Variants in ATRNL1 observed in about 807,000 individuals in gnomAD.
ATRNL1 encodes the protein attractin-like protein 1.
In ATRNL1, 95 loss-of-function variants were observed where a neutral mutation model predicts 182.7. The ratio of observed to expected loss-of-function variants is 0.52; its 90% CI spans 0.44 to 0.62. The LOEUF (loss-of-function observed/expected upper bound fraction) is 0.62, where lower values mean the gene tolerates loss of function less well. ATRNL1 is among the 20% of genes least tolerant of loss of function. ATRNL1 has a pLI of 0.00. For missense variants in ATRNL1, 1,471 were observed against 1,679.5 expected, an observed-to-expected ratio of 0.88 and a Z score of 2.17; for synonymous variants, 576 against 568.3, an observed-to-expected ratio of 1.01 and a Z score of -0.19.
intron 8 of ATRNL1, among the ~76,000 whole-genome samples, chr10:115,194,753 G>A (rs1360586696): frequency 6.6e-6 from 1 of 151,296 alleles, no homozygotes; most frequent in African/African-American, 2.4e-5. Context: ...TGGTCATTTT[G>A]TTGGTCTTTC....
intron 24 of ATRNL1, among the ~76,000 whole-genome samples, chr10:115,508,541 T>C (rs1415942852): frequency 1.3e-5 from 2 of 152,038 alleles, no homozygotes; most frequent in Non-Finnish European, 1.5e-5. Context: ...AGGAAATGAA[T>C]GCTACTTTAG....
chr10:115,281,743 C>T (rs1554916924), intron 14 of ATRNL1, among the ~76,000 whole-genome samples: 1 of 151,322 alleles, frequency 6.6e-6, no homozygotes. Context: ...CGAAAAAAAT[C>T]TTAAAAATGT....
chr10:115,206,581 A>T (rs113837616), intron 8 of ATRNL1, among the ~76,000 whole-genome samples: 24 of 152,246 alleles, frequency 1.6e-4, no homozygotes, highest in African/African-American at 5.5e-4. Flanking sequence ...TTAACAGTAA[A>T]TTATCATTTT....
chr10:115,918,185 C>T (rs1327355266), intron 28 of ATRNL1, among the ~76,000 whole-genome samples: 5 of 150,270 alleles, frequency 3.3e-5, no homozygotes, highest in Non-Finnish European at 7.4e-5. Flanking sequence ...ACCGCAACCT[C>T]CGCCTCCCAG....
intron 19 of ATRNL1, among the ~76,000 whole-genome samples, chr10:115,338,395 A>G (rs531370499): frequency 1.1e-4 from 16 of 152,252 alleles, no homozygotes; most frequent in Admixed American, 6.5e-4. Context: ...CCTCACAAAC[A>G]TTTGTTATTG....
chr10:115,679,490 C>G (rs1312283931), intron 26 of ATRNL1, among the ~76,000 whole-genome samples: 3 of 151,938 alleles, frequency 2.0e-5, no homozygotes, highest in Non-Finnish European at 4.4e-5. Context: ...TGCTTTCTCT[C>G]CGCATACTTC....
chr10:115,782,224 C>A (rs1189947422), intron 27 of ATRNL1, among the ~76,000 whole-genome samples: 1 of 152,160 alleles, frequency 6.6e-6, no homozygotes, highest in African/African-American at 2.4e-5. Flanking sequence ...CAGGTAAGAT[C>A]TTTAGCTTTT....
chr10:115,748,676 A>T (rs1240027688), intron 27 of ATRNL1, among the ~76,000 whole-genome samples: 1 of 151,860 alleles, frequency 6.6e-6, no homozygotes. Context: ...AGCATGACCA[A>T]TGTTCATAGT....
rs11197456 is a variant in ATRNL1 at position 115,827,472 on chromosome 10, C to T, written c.3904-20405C>T. Among the ~76,000 whole-genome samples the T allele has an allele frequency of 2.8e-3, 422 of 152,292 alleles. 1 individual carries two copies. The highest frequency in any genetic ancestry group is 4.3e-3 in the Non-Finnish European group (290 of 68,032). ...ACGTAAGGTGTCTCAGACAATTTCC[C>T]ATGTGGTGTTGCATCAGTCTAAATC... is the stretch of plus-strand genomic sequence containing the variant. On this transcript the variant is annotated intron_variant, in intron 27 of 28. Coordinates refer to ENST00000355044, the MANE Select transcript of ATRNL1 (RefSeq NM_207303.4).
At chr10:115,327,438 A>G (rs1194254513) in intron 18 of ATRNL1, among the ~76,000 whole-genome samples, 2 of 152,104 alleles carry the variant, frequency 1.3e-5, no homozygotes, top group East Asian at 3.9e-4. Flanking sequence ...AGGAAACAAC[A>G]GGTGCTGGAG....
At chr10:115,184,950 G>A (rs1246713305) in intron 8 of ATRNL1, among the ~76,000 whole-genome samples, 2 of 151,904 alleles carry the variant, frequency 1.3e-5, no homozygotes, top group East Asian at 1.9e-4. Flanking sequence ...TTTAGGTGAA[G>A]CAATTCTGAA....
rs1420143943 is a variant in ATRNL1 at position 115,223,929 on chromosome 10, A to ATATATATATTT, written c.1532+8050_1532+8051insATATATATTTT. ...TGTGTGTGTGTATATATATATATATATTTTTTTTTTTTTTTTTTTTCTTTG... is the reference window on the plus strand; with the variant it reads ...TGTGTGTGTGTATATATATATATATATATATATATTTTTTTTTTTTTTTTTTTTTTTCTTTG... On this transcript the variant is annotated intron_variant, in intron 9 of 28. Coordinates refer to ENST00000355044, the MANE Select transcript of ATRNL1 (RefSeq NM_207303.4). Among the ~76,000 whole-genome samples the ATATATATATTT allele has an allele frequency of 2.0e-3, 88 of 44,716 alleles. 2 individuals are homozygous for ATATATATATTT. Among genetic ancestry groups the ATATATATATTT allele is most frequent in the South Asian group, 3.9e-3 (5 of 1,282 alleles). 29.3% of individuals were successfully genotyped at this position (44,716 alleles called of 152,430 possible).
At chr10:115,612,800 T>G (rs1477578960) in intron 26 of ATRNL1, among the ~76,000 whole-genome samples, 1 of 152,180 alleles carries the variant, frequency 6.6e-6, no homozygotes, top group Non-Finnish European at 1.5e-5. Flanking sequence ...CTTCCTAACC[T>G]ACCAGCTTAA....
At chr10:115,294,135 CCTCA>C (rs1465452472) in intron 15 of ATRNL1, among the ~76,000 whole-genome samples, 1 of 152,200 alleles carries the variant, frequency 6.6e-6, no homozygotes, top group African/African-American at 2.4e-5. Flanking sequence ...TGTAGGCCTT[CCTCA>C]CTCCATATTC....
intron 28 of ATRNL1, among the ~76,000 whole-genome samples, chr10:115,873,460 C>T (rs534200507): frequency 2.0e-5 from 3 of 152,336 alleles, no homozygotes; most frequent in East Asian, 1.9e-4. Flanking sequence ...CTTTACCACC[C>T]TAGTCAACGC....
At chr10:115,466,559 C>T (rs1848061395) in intron 22 of ATRNL1, among the ~76,000 whole-genome samples, 1 of 151,216 alleles carries the variant, frequency 6.6e-6, no homozygotes, top group Admixed American at 6.6e-5. Context: ...AGAGTCTGTA[C>T]TCCACTAATG....
chr10:115,890,338 CTATT>C (rs1555110861), intron 28 of ATRNL1, among the ~76,000 whole-genome samples: 1 of 152,112 alleles, frequency 6.6e-6, no homozygotes, highest in East Asian at 1.9e-4. Context: ...ATCTTTAAAG[CTATT>C]TATTGAACAC....
chr10:115,827,417 T>C (rs1589566679), intron 27 of ATRNL1, among the ~76,000 whole-genome samples: 1 of 152,326 alleles, frequency 6.6e-6, no homozygotes, highest in Middle Eastern at 3.4e-3. Context: ...TAATGAAGCC[T>C]ATACCAGTTT....
At chr10:115,499,598 A>T (rs1212504604) in intron 24 of ATRNL1, among the ~76,000 whole-genome samples, 1 of 152,182 alleles carries the variant, frequency 6.6e-6, no homozygotes, top group African/African-American at 2.4e-5. Context: ...TAAGATGAAC[A>T]TTGATTCAGT....
Sources: allele counts gnomAD v4.1 joint callset (sites outside exome capture counted in the v4.1 genomes callset), GRCh38; gene constraint gnomAD v4.1.1; transcripts MANE v1.5; gene names NCBI Gene and HGNC (gene_info 2026-07-23, HGNC 2026-07-21).